Variants in SLC6A13 observed in about 807,000 individuals in gnomAD.
SLC6A13 encodes sodium- and chloride-dependent GABA transporter 2.
In SLC6A13, 69 loss-of-function variants were observed where a neutral mutation model predicts 72.9. The observed-to-expected ratio is 0.95, with a 90% CI of 0.78 to 1.16. SLC6A13 has a LOEUF of 1.16. Ranked by LOEUF, SLC6A13 falls within the 50% of genes most tolerant of loss-of-function variation. SLC6A13 has a pLI of 0.00. For synonymous variants in SLC6A13, 303 were observed against 303.0 expected (o/e 1.00, Z 0.00); for missense variants, 735 against 760.5 (o/e 0.97, Z 0.39).
In SLC6A13 at chr12:220,988, G is replaced by T; in HGVS notation, c.1769C>A (p.Thr590Asn). The change falls in exon 15 of 15, where the codon ACC becomes AAC. Residue 590 changes from threonine to asparagine, a missense_variant. Coordinates refer to ENST00000343164, the MANE Select transcript of SLC6A13 (RefSeq NM_016615.5). ...TAGCTCTGTGAGTCTGAGCAGTGAG[G>T]TCCTGGGGGTGGCGGGAGCCGAGGG... Reference protein sequence around the residue: ...AGPSAPATPRTSLLRLTELES... With the variant: ...AGPSAPATPRNSLLRLTELES... 6.2e-7 allele frequency: 1 copy of T among 1,613,104 alleles called. No homozygotes were observed. Among genetic ancestry groups the T allele is most frequent in the Non-Finnish European group, 8.5e-7 (1 of 1,179,928 alleles).
intron 2 of SLC6A13, among the ~76,000 whole-genome samples, chr12:248,336 G>A (rs781053648): frequency 6.6e-5 from 10 of 150,812 alleles, no homozygotes; most frequent in Non-Finnish European, 1.0e-4. Flanking sequence ...CCCGGGGGGC[G>A]GAGCATGCAG....
intron 2 of SLC6A13, among the ~76,000 whole-genome samples, chr12:250,725 T>C (rs1942501623): frequency 6.7e-6 from 1 of 148,924 alleles, no homozygotes; most frequent in Non-Finnish European, 1.5e-5. Flanking sequence ...CAAATTGATC[T>C]ATAGATTTAA....
intron 9 of SLC6A13, among the ~76,000 whole-genome samples, chr12:225,269 G>T (rs1375400809): frequency 6.6e-6 from 1 of 152,240 alleles, no homozygotes; most frequent in Non-Finnish European, 1.5e-5. Context: ...GTGAGGTGGG[G>T]GTTGTGCAGG....
rs767110352 is a variant in SLC6A13, at chr12:224,146, A to T, written c.1174-17T>A. The T allele has an allele frequency of 4.3e-6, 7 of 1,613,570 alleles. No individual in the cohort carries two copies. The South Asian group carries it at 6.6e-5, about 15-fold the overall frequency. On this transcript the variant is annotated splice_polypyrimidine_tract_variant and intron_variant, in intron 10 of 14. Coordinates refer to ENST00000343164, the MANE Select transcript of SLC6A13 (RefSeq NM_016615.5). ...ACACACAAACTGGATGACAGGGCAA[A>T]GGGATTGGAGGGAAGGAGAGCTCCC...
chr12:232,691 C>A (rs1941760607), intron 7 of SLC6A13, among the ~76,000 whole-genome samples: 1 of 152,218 alleles, frequency 6.6e-6, no homozygotes, highest in African/African-American at 2.4e-5. Context: ...TATCTCCATG[C>A]TGTCTGAGAA....
At chr12:233,458 C>A (rs569420433) in intron 7 of SLC6A13, among the ~76,000 whole-genome samples, 1 of 152,334 alleles carries the variant, frequency 6.6e-6, no homozygotes, top group African/African-American at 2.4e-5. Context: ...AGAGGGAGTG[C>A]AGACCACGAA....
Position 221,565 on chromosome 12 carries a change from G to A in SLC6A13, c.1516-19C>T, listed in dbSNP as rs761504316. On this transcript the variant is annotated intron_variant, in intron 13 of 14. Transcript: ENST00000343164. ...AGGTGGCCTGAGGGGGAGAGCAGAAGAGAAAGGGGTTGGGGGGCGGGGGCC... is the reference window on the plus strand; with the variant it reads ...AGGTGGCCTGAGGGGGAGAGCAGAAAAGAAAGGGGTTGGGGGGCGGGGGCC... 11 of 1,526,860 alleles carry A rather than the reference G, an allele frequency of 7.2e-6. No individual in the cohort carries two copies. The Middle Eastern group carries it at 7.0e-4, about 97-fold the overall frequency. 94.6% of individuals were successfully genotyped at this position (1,526,860 alleles called of 1,614,324 possible). A position where few individuals can be genotyped will look rare whatever the true frequency, so the allele number is the denominator to read the frequency against.
chr12:255,299 A>G (rs1386647248), intron 2 of SLC6A13, among the ~76,000 whole-genome samples: 1 of 152,110 alleles, frequency 6.6e-6, no homozygotes, highest in African/African-American at 2.4e-5. Flanking sequence ...GGTGGAGGAA[A>G]TTAAGGATGA....
intron 7 of SLC6A13, among the ~76,000 whole-genome samples, chr12:228,356 G>A (rs1941555998): frequency 6.6e-6 from 1 of 152,000 alleles, no homozygotes; most frequent in Non-Finnish European, 1.5e-5. Context: ...AAACATCAAG[G>A]CAACAGGACC....
At chr12:243,860 A>C in intron 2 of SLC6A13, 47 bp from the exon 3 acceptor site, 1 of 1,592,378 alleles carries the variant, frequency 6.3e-7, no homozygotes, top group Non-Finnish European at 8.6e-7. Context: ...TATTCTCCTC[A>C]TGGTCTGCAT....
rs1050492588 is a variant in SLC6A13 at position 237,986 on chromosome 12, G to C, written c.503C>G (p.Thr168Ser). The C allele has an allele frequency of 6.2e-7, 1 of 1,613,912 alleles. No individual in the cohort carries two copies. The highest frequency in any genetic ancestry group is 1.3e-5 in the African/African-American group (1 of 74,896). ...AGAGGTACCATTCAGGGAGCCGTTG[G>C]TCTTCTGGAACTCCATACAGTGTTC... ...NTEHCMEFQK[T>S]NGSLNGTSEN... is the part of the protein sequence containing the mutation. Residue 168 changes from threonine to serine, a missense_variant, in exon 5 of 15, where the codon ACC becomes AGC. Coordinates refer to ENST00000343164, the MANE Select transcript of SLC6A13 (RefSeq NM_016615.5).
At chr12:261,994 G>T (rs1413987519) in intron 1 of SLC6A13, among the ~76,000 whole-genome samples, 1 of 151,966 alleles carries the variant, frequency 6.6e-6, no homozygotes, top group Admixed American at 6.6e-5. Flanking sequence ...ATTAGGGAAT[G>T]AGCTCCTTTC....
intron 2 of SLC6A13, among the ~76,000 whole-genome samples, chr12:258,812 T>G (rs1038138488): frequency 6.6e-6 from 1 of 152,208 alleles, no homozygotes; most frequent in East Asian, 1.9e-4. Flanking sequence ...AGTAAAGAGC[T>G]GGAGGTCATG....
intron 4 of SLC6A13, among the ~76,000 whole-genome samples, chr12:241,286 G>A (rs1057148146): frequency 2.6e-5 from 4 of 152,084 alleles, no homozygotes; most frequent in South Asian, 2.1e-4. Context: ...CTGGGCGACC[G>A]AGCGAGACTC....
intron 9 of SLC6A13, among the ~76,000 whole-genome samples, chr12:226,046 T>C (rs773353496): frequency 8.5e-5 from 13 of 152,184 alleles, no homozygotes; most frequent in Non-Finnish European, 1.8e-4. Flanking sequence ...AGGCAAGAAA[T>C]AGAAATAGTA....
intron 2 of SLC6A13, among the ~76,000 whole-genome samples, chr12:252,924 C>T (rs1462315225): frequency 2.6e-5 from 4 of 151,744 alleles, no homozygotes; most frequent in South Asian, 2.1e-4. Context: ...GGAGGGGCTA[C>T]AGGCCCTAGA....
chr12:224,318 T>A (rs527934367), intron 10 of SLC6A13, 83 bp downstream of exon 10: 1 of 1,377,394 alleles, frequency 7.3e-7, no homozygotes, highest in African/African-American at 1.4e-5. Context: ...GGCATCCACT[T>A]CTGACATTCA....
At chr12:250,482 G>A (rs1314856679) in intron 2 of SLC6A13, among the ~76,000 whole-genome samples, 1 of 152,022 alleles carries the variant, frequency 6.6e-6, no homozygotes, top group African/African-American at 2.4e-5. Context: ...AATCAATTGT[G>A]TATGTATTAG....
rs767896612 is a variant in SLC6A13 at position 221,363 on chromosome 12, G to A, written c.1686+13C>T. On this transcript the variant is annotated intron_variant, in intron 14 of 14. Transcript: ENST00000343164. ...AGCCCCTCTGGCTGCTTTCCTGCCC[G>A]CAAAGGCCCTACCTCTCTGAAGGGG... is the stretch of plus-strand genomic sequence containing the variant. The A allele has an allele frequency of 1.7e-5, 26 of 1,573,542 alleles. No homozygotes were observed. Among genetic ancestry groups the A allele is most frequent in the South Asian group, 4.6e-5 (4 of 86,484 alleles).
Sources: gnomAD v4.1 joint callset for allele counts (sites outside exome capture counted in the v4.1 genomes callset) on GRCh38, gnomAD v4.1.1 for gene constraint, MANE v1.5 for transcripts, NCBI Gene and HGNC (gene_info 2026-07-23, HGNC 2026-07-21) for gene names.